Variants in SLC6A11 observed in about 807,000 individuals in gnomAD.
SLC6A11 encodes sodium- and chloride-dependent GABA transporter 3.
In SLC6A11, 25 loss-of-function variants were observed where a neutral mutation model predicts 74.8. The observed-to-expected ratio is 0.33, with a 90% CI of 0.24 to 0.47. The LOEUF (loss-of-function observed/expected upper bound fraction) is 0.47. SLC6A11 is among the 20% of genes least tolerant of loss of function. SLC6A11 has a pLI of 1.00. For synonymous variants in SLC6A11, 330 were observed against 330.2 expected, an observed-to-expected ratio of 1.00 and a Z score of 0.01; for missense variants, 574 against 837.0, an observed-to-expected ratio of 0.69 and a Z score of 3.88.
In SLC6A11 at chr3:10,819,479, C is replaced by T. The variant is rs1575663555; in HGVS notation, c.271C>T (p.Pro91Ser). The stretch of plus-strand genomic sequence containing the variant: ...CATCCTTACAGGGGCATTCCTGATT[C>T]CCTACGTGGTGTTTTTTATTTGCTG... ...YKNGGGAFLI[P>S]YVVFFICCGI... Residue 91 changes from proline (P) to serine (S), a missense_variant, in exon 2 of 14, where the codon CCC becomes TCC. Pro to Ser is a moderately conservative substitution (Grantham distance 74). This residue lies in a region of SLC6A11 where 215 missense variants were observed against 357.9 expected (regional missense o/e 0.60). Coordinates refer to ENST00000254488, the MANE Select transcript of SLC6A11 (RefSeq NM_014229.3). The T allele has an allele frequency of 1.2e-6, 2 of 1,613,240 alleles. No individual in the cohort carries two copies. Among genetic ancestry groups the T allele is most frequent in the African/African-American group, 1.3e-5 (1 of 74,864 alleles).
At chr3:10,929,108 G>GT in intron 9 of SLC6A11, 94 bp from the exon 10 acceptor site, 1 of 1,342,396 alleles carries the variant, frequency 7.4e-7, no homozygotes, top group Non-Finnish European at 1.0e-6. Flanking sequence ...AATGAAGGAA[G>GT]CCCAGGGTTC....
rs908632015 is a variant in SLC6A11 at position 10,939,911 on chromosome 3, G to A, written c.*1509G>A. On this transcript the variant is annotated 3_prime_UTR_variant, in exon 14 of 14. Transcript: ENST00000254488. ...TGCCTTGGTTTCTGAGCTATATGAGGGTGGGGAAGGCACACTCTTTTTTCC... is the reference window on the plus strand; with the variant it reads ...TGCCTTGGTTTCTGAGCTATATGAGAGTGGGGAAGGCACACTCTTTTTTCC... 8.6e-5 allele frequency: 13 copies of A among 151,752 alleles called. No individual in the cohort carries two copies. Among genetic ancestry groups the A allele is most frequent in the African/African-American group, 3.2e-4 (13 of 41,224 alleles). 9.4% of individuals were successfully genotyped at this position (151,752 alleles called of 1,614,324 possible).
intron 4 of SLC6A11, among the ~76,000 whole-genome samples, chr3:10,825,726 A>G (rs925481131): frequency 6.6e-6 from 1 of 152,116 alleles, no homozygotes; most frequent in African/African-American, 2.4e-5. Flanking sequence ...TTAATGTTGT[A>G]TTAGGTAGAA....
intron 6 of SLC6A11, among the ~76,000 whole-genome samples, chr3:10,876,612 T>A (rs4684743): frequency 0.4 from 60,122 of 151,526 alleles, 13,043 homozygotes; most frequent in East Asian, 0.64. Flanking sequence ...CTACTCCCGG[T>A]GATCCAGTTG....
At chr3:10,883,809 A>G (rs1207347211) in intron 6 of SLC6A11, among the ~76,000 whole-genome samples, 1 of 152,078 alleles carries the variant, frequency 6.6e-6, no homozygotes, top group Non-Finnish European at 1.5e-5. Flanking sequence ...ACACAGAGAC[A>G]TTATATACGG....
chr3:10,878,305 C>A (rs970540683), intron 6 of SLC6A11, among the ~76,000 whole-genome samples: 9 of 137,892 alleles, frequency 6.5e-5, no homozygotes, highest in Non-Finnish European at 1.5e-4. Context: ...GCCTTTCTAC[C>A]CCAGGGCCTT....
At chr3:10,910,400 T>C (rs1559579857) in intron 6 of SLC6A11, among the ~76,000 whole-genome samples, 2 of 152,064 alleles carry the variant, frequency 1.3e-5, no homozygotes, top group Non-Finnish European at 2.9e-5. Flanking sequence ...TGCTACCACA[T>C]GGAGGAGAGG....
intron 6 of SLC6A11, among the ~76,000 whole-genome samples, chr3:10,899,873 C>A (rs1032952343): frequency 3.3e-5 from 5 of 152,178 alleles, no homozygotes; most frequent in African/African-American, 1.2e-4. Context: ...TGAAATGCCC[C>A]ATGGAAAATG....
intron 6 of SLC6A11, among the ~76,000 whole-genome samples, chr3:10,897,385 G>C (rs1056196169): frequency 2.0e-5 from 3 of 152,192 alleles, no homozygotes; most frequent in Non-Finnish European, 4.4e-5. Context: ...TTCTGCCTAT[G>C]AGTCTGTAAA....
intron 4 of SLC6A11, among the ~76,000 whole-genome samples, chr3:10,830,244 A>G (rs75620035): frequency 0.07 from 10,585 of 152,138 alleles, 411 homozygotes; most frequent in East Asian, 0.11. Context: ...GGAGTGAGTA[A>G]ATGACATACC....
At chr3:10,847,619 T>C (rs554840596) in intron 5 of SLC6A11, among the ~76,000 whole-genome samples, 1 of 152,268 alleles carries the variant, frequency 6.6e-6, no homozygotes, top group East Asian at 1.9e-4. Context: ...AATGAATAAA[T>C]GTCAGGCCAG....
In SLC6A11 at chr3:10,929,231, C is replaced by T. The variant is rs370915774; in HGVS notation, c.1263C>T (p.Ala421=). 2.2e-4 allele frequency: 352 copies of T among 1,613,970 alleles called. No homozygotes were observed. The highest frequency in any genetic ancestry group is 2.8e-4 in the Non-Finnish European group (325 of 1,180,004). The change falls in exon 10 of 14, where the codon GCC becomes GCT. Residue 421 remains alanine, a synonymous_variant. Transcript: ENST00000254488. Reference sequence around the variant, plus strand: ...TGTGTGTGGAAAGCCTGGTGACCGCCGTGGTGGACATGTACCCCAAGGTTT... The same window carrying T: ...TGTGTGTGGAAAGCCTGGTGACCGCTGTGGTGGACATGTACCCCAAGGTTT... ...QFVCVESLVT[A]VVDMYPKVFR... is the part of the protein sequence containing the mutation.
chr3:10,829,067 C>G (rs895096258), intron 4 of SLC6A11, among the ~76,000 whole-genome samples: 7 of 152,208 alleles, frequency 4.6e-5, no homozygotes, highest in African/African-American at 1.7e-4. Flanking sequence ...GAACACCCAC[C>G]TGCAAGGCTG....
intron 5 of SLC6A11, among the ~76,000 whole-genome samples, chr3:10,854,459 C>T (rs1694614373): frequency 6.6e-6 from 1 of 152,218 alleles, no homozygotes; most frequent in Non-Finnish European, 1.5e-5. Flanking sequence ...TACATTCTCT[C>T]ATTGTTTATG....
intron 5 of SLC6A11, among the ~76,000 whole-genome samples, chr3:10,859,426 A>G (rs1694677595): frequency 6.6e-6 from 1 of 152,114 alleles, no homozygotes; most frequent in African/African-American, 2.4e-5. Flanking sequence ...AGGACCCATT[A>G]ATGTCTGTGA....
chr3:10,816,290 C>G lies in SLC6A11; in HGVS notation c.25C>G (p.Leu9Val). Residue 9 changes from leucine to valine, a missense_variant, in exon 1 of 14, where the codon CTG becomes GTG. By Grantham distance (32) the Leu-to-Val change is conservative. This residue lies in a region of SLC6A11 where 86 missense variants were observed against 87.4 expected (regional missense o/e 0.98). Coordinates refer to ENST00000254488, the MANE Select transcript of SLC6A11 (RefSeq NM_014229.3). The surrounding 1 kb of genome is among the most constrained non-coding windows in gnomAD (Gnocchi z 4.2). MTAEKALPLGNGKAAEEAR... is the reference protein window; with the variant it reads MTAEKALPVGNGKAAEEAR... ...CATGACGGCGGAGAAGGCGCTGCCC[C>G]TGGGCAATGGGAAGGCTGCTGAGGA... 1 of 1,387,390 alleles carries G rather than the reference C, an allele frequency of 7.2e-7. No homozygotes were observed. The highest frequency in any genetic ancestry group is 9.3e-7 in the Non-Finnish European group (1 of 1,071,624). 85.9% of individuals were successfully genotyped at this position (1,387,390 alleles called of 1,614,324 possible).
intron 4 of SLC6A11, among the ~76,000 whole-genome samples, chr3:10,837,348 A>C (rs1694380022): frequency 6.6e-6 from 1 of 152,102 alleles, no homozygotes; most frequent in Non-Finnish European, 1.5e-5. Flanking sequence ...CCTTAGGCCT[A>C]TGTCGGTCCC....
At chr3:10,929,452 C>A (rs1695654396) in intron 10 of SLC6A11, 113 bp downstream of exon 10, 4 of 1,112,762 alleles carry the variant, frequency 3.6e-6, no homozygotes, top group Admixed American at 2.0e-5. Context: ...CTCTGCCACT[C>A]GGTTTATGCT....
intron 6 of SLC6A11, among the ~76,000 whole-genome samples, chr3:10,887,448 C>CT (rs1312888724): frequency 3.3e-5 from 5 of 151,810 alleles, no homozygotes; most frequent in Non-Finnish European, 7.4e-5. Flanking sequence ...ACAGTCTTTT[C>CT]TTTTTTTTCT....
Sources: allele counts gnomAD v4.1 joint callset (sites outside exome capture counted in the v4.1 genomes callset), GRCh38; gene constraint gnomAD v4.1.1; regional missense constraint gnomAD v4.1.1; non-coding constraint Gnocchi (gnomAD v3.1); transcripts MANE v1.5; gene names NCBI Gene and HGNC (gene_info 2026-07-23, HGNC 2026-07-21).